RALGAPA2: variants seen among roughly 807,000 people sequenced by gnomAD.
The protein encoded by RALGAPA2 is ral GTPase-activating protein subunit alpha-2.
Under a neutral mutation model 230.4 loss-of-function variants are expected in RALGAPA2, and 139 were observed. The observed-to-expected ratio is 0.60, with a 90% confidence interval of 0.53 to 0.69. The LOEUF is 0.69. Among genes scored for constraint, RALGAPA2 ranks in the 30% least tolerant of loss-of-function variants. The pLI, the probability that RALGAPA2 is intolerant of heterozygous loss-of-function variation, is 0.00. For synonymous variants in RALGAPA2, 847 were observed against 837.8 expected (o/e 1.01, Z -0.19); for missense variants, 2,163 against 2,276.0 (o/e 0.95, Z 1.01).
At chr20:20,615,645 G>T (rs1437626337) in intron 13 of RALGAPA2, among the ~76,000 whole-genome samples, 1 of 152,132 alleles carries the variant, frequency 6.6e-6, no homozygotes, top group Non-Finnish European at 1.5e-5. Context: ...TAAAATAATT[G>T]CTTTTCCAAA....
intron 35 of RALGAPA2, among the ~76,000 whole-genome samples, chr20:20,502,788 T>C (rs567826704): frequency 6.4e-4 from 97 of 152,316 alleles, no homozygotes; most frequent in Non-Finnish European, 7.8e-4. Flanking sequence ...ATTAGAGGCT[T>C]CCTTCCCAGA....
intron 10 of RALGAPA2, among the ~76,000 whole-genome samples, chr20:20,621,920 T>C (rs912784914): frequency 6.6e-6 from 1 of 152,234 alleles, no homozygotes; most frequent in Non-Finnish European, 1.5e-5. Context: ...CAGGTCTTGG[T>C]CTCAAGTTGC....
chr20:20,614,976 T>C (rs943844967), intron 13 of RALGAPA2, among the ~76,000 whole-genome samples: 3 of 151,970 alleles, frequency 2.0e-5, no homozygotes, highest in Non-Finnish European at 4.4e-5. Flanking sequence ...GGCAGCTTGA[T>C]TGCACAAGGG....
At chr20:20,698,755 T>C (rs1345095873) in intron 1 of RALGAPA2, among the ~76,000 whole-genome samples, 1 of 152,238 alleles carries the variant, frequency 6.6e-6, no homozygotes, top group Non-Finnish European at 1.5e-5. Context: ...AAATTAACAT[T>C]CAAACAATGC....
intron 24 of RALGAPA2, 46 bp downstream of exon 24, chr20:20,546,658 T>C (rs2063781546): frequency 1.3e-6 from 2 of 1,529,152 alleles, no homozygotes; most frequent in Non-Finnish European, 1.8e-6. Flanking sequence ...TGTTAGCGAT[T>C]GTGAAGCCTC....
intron 38 of RALGAPA2, among the ~76,000 whole-genome samples, chr20:20,408,136 A>T (rs1308711742): frequency 1.3e-5 from 2 of 152,262 alleles, no homozygotes; most frequent in African/African-American, 4.8e-5. Flanking sequence ...AACCATACGT[A>T]GTATTGGCAT....
chr20:20,576,897 T>G (rs894310066), intron 20 of RALGAPA2, among the ~76,000 whole-genome samples: 3 of 152,188 alleles, frequency 2.0e-5, no homozygotes, highest in African/African-American at 7.2e-5. Flanking sequence ...TTATTAGTGT[T>G]TTCAAAGAAC....
At chr20:20,451,213 T>C (rs912768956) in intron 37 of RALGAPA2, among the ~76,000 whole-genome samples, 10 of 152,204 alleles carry the variant, frequency 6.6e-5, no homozygotes, top group South Asian at 2.1e-4. Flanking sequence ...AGAAATTTTA[T>C]ATATTTTTGT....
At position 20,389,600 on chromosome 20, in the gene RALGAPA2, A is replaced by G. The variant is rs1392889597; in HGVS notation, c.*3689T>C. 2.6e-5 allele frequency: 4 copies of G among 152,246 alleles called. No homozygotes were observed. The highest frequency in any genetic ancestry group is 5.9e-5 in the Non-Finnish European group (4 of 68,054). 9.4% of individuals were successfully genotyped at this position (152,246 alleles called of 1,614,324 possible). A position where few individuals can be genotyped will look rare whatever the true frequency, so the allele number is the denominator to read the frequency against. Reference sequence around the variant, plus strand: ...CTTTATTTTCTTATAAACTATAATGAGAATGAGAGAAACATATAGCACTGA... The same window carrying G: ...CTTTATTTTCTTATAAACTATAATGGGAATGAGAGAAACATATAGCACTGA... On this transcript the variant is annotated 3_prime_UTR_variant, in exon 40 of 40. Coordinates refer to ENST00000202677, the MANE Select transcript of RALGAPA2 (RefSeq NM_020343.4).
chr20:20,608,577 T>C (rs555803285), intron 14 of RALGAPA2, among the ~76,000 whole-genome samples: 24 of 152,340 alleles, frequency 1.6e-4, no homozygotes, highest in African/African-American at 5.8e-4. Context: ...AACAGTCTCC[T>C]TGTTCTCAAT....
At chr20:20,685,594 T>A (rs2068672819) in intron 1 of RALGAPA2, among the ~76,000 whole-genome samples, 1 of 152,152 alleles carries the variant, frequency 6.6e-6, no homozygotes, top group Non-Finnish European at 1.5e-5. Flanking sequence ...TGCGACTCCA[T>A]AACTGAGTGG....
chr20:20,602,827 T>A (rs1007460366), intron 15 of RALGAPA2, among the ~76,000 whole-genome samples: 19 of 152,006 alleles, frequency 1.2e-4, no homozygotes, highest in African/African-American at 4.1e-4. Flanking sequence ...TGTGTGTGTG[T>A]GTGTGTGTGT....
intron 23 of RALGAPA2, 80 bp downstream of exon 23, chr20:20,571,378 A>G: frequency 7.1e-7 from 1 of 1,399,320 alleles, no homozygotes; most frequent in Non-Finnish European, 9.7e-7. Context: ...ATGTATTTTC[A>G]TAAATATTAC....
At chr20:20,653,411 C>T (rs1457008704) in intron 4 of RALGAPA2, 119 bp downstream of exon 4, 5 of 649,338 alleles carry the variant, frequency 7.7e-6, no homozygotes, top group Non-Finnish European at 8.2e-6. Context: ...ACCATAATAC[C>T]ATACCCTTAT....
At chr20:20,650,833 G>C (rs1181544568) in intron 4 of RALGAPA2, among the ~76,000 whole-genome samples, 7 of 152,120 alleles carry the variant, frequency 4.6e-5, no homozygotes, top group Non-Finnish European at 8.8e-5. Context: ...AAATAAACTG[G>C]AAATAATTCA....
intron 37 of RALGAPA2, among the ~76,000 whole-genome samples, chr20:20,463,573 A>G (rs1297597363): frequency 1.3e-5 from 2 of 152,242 alleles, no homozygotes; most frequent in African/African-American, 4.8e-5. Context: ...AAAGTCTTGT[A>G]ATGGCCAGAC....
chr20:20,557,694 T>C (rs182205017), intron 23 of RALGAPA2, among the ~76,000 whole-genome samples: 4 of 152,312 alleles, frequency 2.6e-5, no homozygotes, highest in African/African-American at 9.6e-5. Context: ...CAGAATGAAG[T>C]AGAAAAAATA....
chr20:20,622,245 T>C (rs2066346938), intron 10 of RALGAPA2, among the ~76,000 whole-genome samples: 1 of 151,082 alleles, frequency 6.6e-6, no homozygotes, highest in Non-Finnish European at 1.5e-5. Flanking sequence ...GGTTATCCAA[T>C]GAATGACTGG....
intron 21 of RALGAPA2, among the ~76,000 whole-genome samples, chr20:20,572,571 C>T (rs1289596659): frequency 6.6e-6 from 1 of 151,982 alleles, no homozygotes; most frequent in South Asian, 2.1e-4. Flanking sequence ...TATTTTTCTA[C>T]ATTTTTCAAA....
Sources: gnomAD v4.1 joint callset for allele counts (sites outside exome capture counted in the v4.1 genomes callset) on GRCh38, gnomAD v4.1.1 for gene constraint, MANE v1.5 for transcripts, NCBI Gene and HGNC (gene_info 2026-07-23, HGNC 2026-07-21) for gene names.